Variants in WDSUB1 observed in about 807,000 individuals in gnomAD.
WDSUB1 encodes the protein WD repeat, SAM and U-box domain-containing protein 1.
A neutral mutation model predicts 53.9 loss-of-function variants in WDSUB1; 49 were observed. That is an observed-to-expected ratio of 0.91 (90% CI 0.72 to 1.15). WDSUB1 has a LOEUF of 1.15. WDSUB1 is among the 50% of genes most tolerant of loss of function. The probability of loss-of-function intolerance (pLI) is 0.00; values close to 1 mark genes in which losing one functional copy is unlikely to be tolerated. For missense variants in WDSUB1, 514 were observed against 562.0 expected (o/e 0.91, Z 0.86); for synonymous variants, 194 against 200.6 (o/e 0.97, Z 0.28).
At chr2:159,244,038 A>G (rs551738843) in intron 10 of WDSUB1, among the ~76,000 whole-genome samples, 1,557 of 152,298 alleles carry the variant, frequency 0.01, 35 homozygotes, top group African/African-American at 0.036. Flanking sequence ...TAAAGGAGGA[A>G]AAAAAATATG....
intron 5 of WDSUB1, among the ~76,000 whole-genome samples, chr2:159,263,818 A>G (rs1416621753): frequency 6.6e-6 from 1 of 152,210 alleles, no homozygotes; most frequent in Non-Finnish European, 1.5e-5. Flanking sequence ...GGTGTTCTGG[A>G]TTACATAAAT....
intron 6 of WDSUB1, among the ~76,000 whole-genome samples, chr2:159,258,682 T>G (rs1341488083): frequency 6.6e-6 from 1 of 152,072 alleles, no homozygotes; most frequent in Non-Finnish European, 1.5e-5. Context: ...AATAAATTAG[T>G]CCCTTAGAGT....
At chr2:159,286,007 A>G (rs1209623986) in intron 1 of WDSUB1, among the ~76,000 whole-genome samples, 1 of 152,024 alleles carries the variant, frequency 6.6e-6, no homozygotes, top group African/African-American at 2.4e-5. Flanking sequence ...CAGGGCATTC[A>G]GTGGGAAGTA....
chr2:159,240,087 A>G (rs183116906), intron 10 of WDSUB1, among the ~76,000 whole-genome samples: 184 of 152,300 alleles, frequency 1.2e-3, no homozygotes, highest in African/African-American at 4.3e-3. Flanking sequence ...GGCCACCTCT[A>G]ACTGACTTTG....
chr2:159,263,025 C>CT (rs1284541917), intron 5 of WDSUB1, among the ~76,000 whole-genome samples: 1 of 152,172 alleles, frequency 6.6e-6, no homozygotes, highest in South Asian at 2.1e-4. Context: ...TTGTGGTGCT[C>CT]TAAAACCTCA....
Position 159,236,051 on chromosome 2 carries a change from C to T in WDSUB1, c.1413G>A (p.Leu471=), listed in dbSNP as rs1238267338. The T allele has an allele frequency of 6.2e-7, 1 of 1,605,208 alleles. No individual in the cohort carries two copies. Among genetic ancestry groups the T allele is most frequent in the East Asian group, 2.2e-5 (1 of 44,834 alleles). ...AACAATTTTACTTTTGGTGTGTCTC[C>T]AGCCATCTATTGATGGCCATTTTCA... ...RTLKMAINRW[L]ETHQK is the part of the protein sequence containing the mutation. Residue 471 remains leucine, a synonymous_variant, in exon 11 of 11, where the codon CTG becomes CTA. Transcript: ENST00000359774.
chr2:159,280,401 C>G (rs1558880439), intron 2 of WDSUB1, among the ~76,000 whole-genome samples: 2 of 152,130 alleles, frequency 1.3e-5, no homozygotes, highest in Admixed American at 6.6e-5. Context: ...TTAAAAATTA[C>G]CCAGAAGTGG....
intron 6 of WDSUB1, 88 bp downstream of exon 6, chr2:159,259,722 T>G: frequency 7.5e-7 from 1 of 1,335,362 alleles, no homozygotes; most frequent in Non-Finnish European, 1.0e-6. Context: ...AGAAAAAATA[T>G]ATACTTTTTC....
At chr2:159,284,167 A>G (rs1298858945) in intron 1 of WDSUB1, among the ~76,000 whole-genome samples, 1 of 151,732 alleles carries the variant, frequency 6.6e-6, no homozygotes, top group African/African-American at 2.4e-5. Flanking sequence ...CAATTTGGAG[A>G]AAAAAAAATC....
chr2:159,248,825 C>T (rs111645714), intron 9 of WDSUB1, among the ~76,000 whole-genome samples: 70 of 152,256 alleles, frequency 4.6e-4, no homozygotes, highest in African/African-American at 1.5e-3. Flanking sequence ...ACGCTGGTCT[C>T]GAATTCCTGG....
intron 5 of WDSUB1, among the ~76,000 whole-genome samples, chr2:159,268,866 G>C (rs774886077): frequency 6.6e-6 from 1 of 152,040 alleles, no homozygotes; most frequent in Non-Finnish European, 1.5e-5. Context: ...TGCCAAATAG[G>C]AATTCTAGGA....
chr2:159,235,804 GTA>G lies in WDSUB1; in HGVS notation c.*227_*228del. The G allele has an allele frequency of 3.0e-6, 1 of 338,772 alleles. No homozygotes were observed. The allele number at this position is 338,772 out of a possible 1,614,324, so 21.0% of individuals were successfully genotyped here. A position where few individuals can be genotyped will look rare whatever the true frequency, so the allele number is the denominator to read the frequency against. Reference sequence around the variant, plus strand: ...AAAACTTAGGACACTGCAATTTAAAGTATAACTTTATTTCTATATAGCTGAAG... The same window carrying G: ...AAAACTTAGGACACTGCAATTTAAAGTAACTTTATTTCTATATAGCTGAAG... On this transcript the variant is annotated 3_prime_UTR_variant, in exon 11 of 11. Coordinates refer to ENST00000359774, the MANE Select transcript of WDSUB1 (RefSeq NM_001128212.3).
intron 9 of WDSUB1, among the ~76,000 whole-genome samples, chr2:159,249,956 G>C (rs1215840308): frequency 6.6e-6 from 1 of 151,356 alleles, no homozygotes. Flanking sequence ...GGATGTGTTG[G>C]CACATGCCTG....
At chr2:159,259,036 A>AATTTTTTT (rs1436442238) in intron 6 of WDSUB1, among the ~76,000 whole-genome samples, 1 of 150,602 alleles carries the variant, frequency 6.6e-6, no homozygotes, top group East Asian at 2.0e-4. Flanking sequence ...CAACTACTTT[A>AATTTTTTT]TTTTTGAGAC....
intron 2 of WDSUB1, among the ~76,000 whole-genome samples, chr2:159,281,815 A>C (rs2061671016): frequency 6.6e-6 from 1 of 152,162 alleles, no homozygotes; most frequent in African/African-American, 2.4e-5. Context: ...GTCTCTACTA[A>C]AAATACAAAA....
In WDSUB1 at chr2:159,286,597, G is replaced by A. The variant is rs956818099; in HGVS notation, c.-39C>T. 3.3e-5 allele frequency: 5 copies of A among 152,340 alleles called. No homozygotes were observed. The highest frequency in any genetic ancestry group is 1.2e-4 in the African/African-American group (5 of 41,556). 9.4% of individuals were successfully genotyped at this position (152,340 alleles called of 1,614,324 possible). On this transcript the variant is annotated 5_prime_UTR_variant, in exon 1 of 11. Transcript: ENST00000359774. The stretch of plus-strand genomic sequence containing the variant: ...GCCGCTCTCACCTGCAGGAGCGGGG[G>A]CGCGCGGGATCCGCCTTCAAGGTGC...
At chr2:159,241,806 G>A (rs545911466) in intron 10 of WDSUB1, among the ~76,000 whole-genome samples, 14 of 140,770 alleles carry the variant, frequency 9.9e-5, no homozygotes, top group Admixed American at 2.1e-4. Flanking sequence ...TCTGCCTTCC[G>A]GGTTCAAGCA....
At chr2:159,237,157 T>C (rs10620417) in intron 10 of WDSUB1, among the ~76,000 whole-genome samples, 59,670 of 152,164 alleles carry the variant, frequency 0.39, 13,454 homozygotes, top group Non-Finnish European at 0.54. Context: ...TTTATGGTTC[T>C]TTCCGTCATC....
intron 10 of WDSUB1, among the ~76,000 whole-genome samples, chr2:159,245,509 G>A (rs1035621150): frequency 2.0e-5 from 3 of 150,246 alleles, no homozygotes; most frequent in Non-Finnish European, 4.4e-5. Flanking sequence ...CTCCAGCGTG[G>A]GCAACAGAGC....
Sources: gnomAD v4.1 joint callset for allele counts (sites outside exome capture counted in the v4.1 genomes callset) on GRCh38, gnomAD v4.1.1 for gene constraint, MANE v1.5 for transcripts, NCBI Gene and HGNC (gene_info 2026-07-23, HGNC 2026-07-21) for gene names.